RXFP1: variants seen among roughly 807,000 people sequenced by gnomAD.
RXFP1 encodes relaxin family peptide receptor 1, also known as relaxin receptor 1.
Under a neutral mutation model 89.8 loss-of-function variants are expected in RXFP1, and 73 were observed. The ratio of observed to expected loss-of-function variants is 0.81; its 90% CI spans 0.67 to 0.99. RXFP1 has a LOEUF of 0.99. Ranked by LOEUF, RXFP1 falls within the 50% of genes least tolerant of loss-of-function variation. The pLI is 0.00. For missense variants in RXFP1, 793 were observed against 895.5 expected, an observed-to-expected ratio of 0.89 and a Z score of 1.46; for synonymous variants, 277 against 305.5, an observed-to-expected ratio of 0.91 and a Z score of 0.97.
chr4:158,599,378 T>A lies in RXFP1; in HGVS notation c.339T>A (p.Cys113Ter). 1 of 1,613,900 alleles carries A rather than the reference T, an allele frequency of 6.2e-7. No homozygotes were observed. Among genetic ancestry groups the A allele is most frequent in the Admixed American group, 1.7e-5 (1 of 60,004 alleles). Residue 113 changes from cysteine to a stop codon, truncating the protein, a stop_gained, in exon 4 of 18, where the codon TGT becomes TGA. Transcript: ENST00000307765. LOFTEE classifies it high-confidence loss of function. Reference protein sequence around the residue: ...QCLCQGLELDCDETNLRAVPS... With the variant: ...QCLCQGLELD ...TTTGCCAAGGTCTGGAGCTTGACTGTGATGAAACCAATTTACGAGCTGTTC... is the reference window on the plus strand; with the variant it reads ...TTTGCCAAGGTCTGGAGCTTGACTGAGATGAAACCAATTTACGAGCTGTTC...
chr4:158,608,406 C>A (rs1293393540), intron 6 of RXFP1, among the ~76,000 whole-genome samples: 2 of 147,870 alleles, frequency 1.4e-5, no homozygotes, highest in African/African-American at 5.0e-5. Flanking sequence ...TCTGCCTCAG[C>A]CTCCCGAATA....
chr4:158,631,200 T>C (rs1297161718), intron 11 of RXFP1, among the ~76,000 whole-genome samples: 1 of 152,222 alleles, frequency 6.6e-6, no homozygotes, highest in Admixed American at 6.5e-5. Context: ...CCAGTAATTG[T>C]TGAACAAGAC....
At chr4:158,592,166 T>C (rs563435327) in intron 2 of RXFP1, among the ~76,000 whole-genome samples, 100 of 152,210 alleles carry the variant, frequency 6.6e-4, no homozygotes, top group African/African-American at 2.3e-3. Context: ...TAAGAAAATA[T>C]AGAAATATAT....
intron 2 of RXFP1, among the ~76,000 whole-genome samples, chr4:158,585,225 G>A (rs1003586337): frequency 3.9e-5 from 6 of 152,182 alleles, no homozygotes; most frequent in Admixed American, 3.9e-4. Flanking sequence ...TATTGCCTGA[G>A]TTCTCATTTC....
intron 2 of RXFP1, among the ~76,000 whole-genome samples, chr4:158,575,876 C>T (rs762818624): frequency 2.0e-5 from 3 of 152,108 alleles, no homozygotes; most frequent in East Asian, 1.9e-4. Context: ...TGGCCTAAAA[C>T]GTAACCATTT....
chr4:158,607,548 T>C (rs1762752472), intron 5 of RXFP1, among the ~76,000 whole-genome samples: 1 of 152,222 alleles, frequency 6.6e-6, no homozygotes, highest in African/African-American at 2.4e-5. Flanking sequence ...AAGACCCGTA[T>C]TAAAAGTCTG....
chr4:158,540,991 A>G (rs1579435447), intron 1 of RXFP1, among the ~76,000 whole-genome samples: 2 of 152,326 alleles, frequency 1.3e-5, no homozygotes, highest in East Asian at 3.9e-4. Context: ...TAACAATATA[A>G]TAGCCACCAT....
At chr4:158,637,643 C>T (rs1198552433) in intron 12 of RXFP1, among the ~76,000 whole-genome samples, 2 of 152,074 alleles carry the variant, frequency 1.3e-5, no homozygotes, top group Admixed American at 6.5e-5. Context: ...AACCACTTAC[C>T]AGATATATGA....
intron 1 of RXFP1, among the ~76,000 whole-genome samples, chr4:158,522,477 A>T (rs995625450): frequency 1.3e-5 from 2 of 152,180 alleles, no homozygotes; most frequent in African/African-American, 4.8e-5. Flanking sequence ...ATGCATTCAT[A>T]AAACTCTTTT....
chr4:158,620,987 G>A (rs1046037317), intron 9 of RXFP1, among the ~76,000 whole-genome samples: 36 of 151,766 alleles, frequency 2.4e-4, no homozygotes, highest in African/African-American at 8.0e-4. Flanking sequence ...TTAGCTGAGC[G>A]TTTAGCTGGG....
intron 2 of RXFP1, among the ~76,000 whole-genome samples, chr4:158,589,369 T>G (rs1432342915): frequency 6.6e-6 from 1 of 152,216 alleles, no homozygotes; most frequent in Non-Finnish European, 1.5e-5. Context: ...GTCTAATGCT[T>G]GCAGAAACCA....
rs564148285 is a variant in RXFP1 at position 158,598,166 on chromosome 4, C to T, written c.287-1160C>T. Among the ~76,000 whole-genome samples the T allele has an allele frequency of 1.8e-4, 27 of 152,228 alleles. No individual in the cohort carries two copies. In the South Asian group the frequency reaches 4.4e-3, roughly 25 times the overall value. On this transcript the variant is annotated intron_variant, in intron 3 of 17. Transcript: ENST00000307765. Reference sequence around the variant, plus strand: ...CACCATAAAGGTCAGAAACTGGAAGCCTACAAGCAGAAAACTCTCATAGAC... The same window carrying T: ...CACCATAAAGGTCAGAAACTGGAAGTCTACAAGCAGAAAACTCTCATAGAC...
rs538646884 is a variant in RXFP1, at chr4:158,544,897, G to A, written c.49+22872G>A. Reference sequence around the variant, plus strand: ...AGTCCTTGCTATTGTGAATAGTGCCGCAATAAACATACATGTGCATGTGTC... The same window carrying A: ...AGTCCTTGCTATTGTGAATAGTGCCACAATAAACATACATGTGCATGTGTC... On this transcript the variant is annotated intron_variant, in intron 1 of 17. Coordinates refer to ENST00000307765, the MANE Select transcript of RXFP1 (RefSeq NM_021634.4). Among the ~76,000 whole-genome samples, 307 of 152,160 alleles carry A rather than the reference G, an allele frequency of 2.0e-3. 1 individual carries two copies. Among genetic ancestry groups the A allele is most frequent in the African/African-American group, 7.0e-3 (289 of 41,494 alleles).
chr4:158,534,086 A>G (rs1197385092), intron 1 of RXFP1, among the ~76,000 whole-genome samples: 2 of 152,084 alleles, frequency 1.3e-5, no homozygotes, highest in East Asian at 1.9e-4. Context: ...CCTAGAAACT[A>G]CTCGATCACG....
chr4:158,647,726 G>C (rs879889062), intron 16 of RXFP1, among the ~76,000 whole-genome samples: 1 of 151,912 alleles, frequency 6.6e-6, no homozygotes. Context: ...TAAAAAATTA[G>C]CTGGTGTGAG....
rs1425394239 is a variant in RXFP1, at chr4:158,646,922, A to G, written c.1477A>G (p.Ile493Val). Residue 493 changes from isoleucine to valine, a missense_variant, in exon 16 of 18, where the codon ATT becomes GTT. Transcript: ENST00000307765. ...THCQLVGSLA[I>V]LSTEVSVLLL... ...TTGTCAGCTTGTAGGATCTTTGGCC[A>G]TTCTGTCCACAGAAGTATCAGTTTT... The G allele has an allele frequency of 1.9e-6, 3 of 1,614,188 alleles. No homozygotes were observed. The highest frequency in any genetic ancestry group is 1.1e-5 in the South Asian group (1 of 91,080).
chr4:158,621,891 A>G (rs1023464469), intron 9 of RXFP1, among the ~76,000 whole-genome samples: 4 of 152,256 alleles, frequency 2.6e-5, no homozygotes, highest in Non-Finnish European at 5.9e-5. Context: ...TAGAATCTCT[A>G]TTATCAAAAA....
At chr4:158,531,161 G>C (rs1232984738) in intron 1 of RXFP1, among the ~76,000 whole-genome samples, 1 of 152,028 alleles carries the variant, frequency 6.6e-6, no homozygotes, top group African/African-American at 2.4e-5. Flanking sequence ...TAAGCCTCGC[G>C]AGTTGCTGGG....
intron 6 of RXFP1, among the ~76,000 whole-genome samples, chr4:158,609,076 GA>G (rs1763074248): frequency 6.6e-6 from 1 of 152,162 alleles, no homozygotes; most frequent in Admixed American, 6.5e-5. Context: ...TGGCTGTTGT[GA>G]ATAATGTTGC....
Sources: allele counts gnomAD v4.1 joint callset (sites outside exome capture counted in the v4.1 genomes callset), GRCh38; gene constraint gnomAD v4.1.1; transcripts MANE v1.5; gene names NCBI Gene and HGNC (gene_info 2026-07-23, HGNC 2026-07-21).